The following BCAS3 variants were observed in gnomAD, a reference collection of about 807,000 sequenced individuals.
BCAS3 encodes the protein BCAS3 microtubule associated cell migration factor, also known as BCAS4/BCAS3 fusion.
A neutral mutation model predicts 116.1 loss-of-function variants in BCAS3; 53 were observed. The observed-to-expected ratio is 0.46, with a 90% CI of 0.37 to 0.57. The LOEUF (loss-of-function observed/expected upper bound fraction) is 0.57. Ranked by LOEUF, BCAS3 falls within the 20% of genes least tolerant of loss-of-function variation. BCAS3 has a pLI of 0.00. For synonymous variants in BCAS3, 391 were observed against 408.2 expected (o/e 0.96, Z 0.51); for missense variants, 917 against 1,165.4 (o/e 0.79, Z 3.10).
intron 7 of BCAS3, among the ~76,000 whole-genome samples, chr17:60,855,325 G>A (rs984130818): frequency 4.6e-5 from 7 of 151,170 alleles, no homozygotes; most frequent in African/African-American, 1.5e-4. Context: ...CTAGTTGCAT[G>A]TGTAGTTTTA....
chr17:61,290,355 A>G (rs1464570389), intron 22 of BCAS3, among the ~76,000 whole-genome samples: 2 of 152,322 alleles, frequency 1.3e-5, no homozygotes, highest in East Asian at 3.9e-4. Context: ...TAAAAATTAT[A>G]TAGATGAAAA....
At chr17:61,047,560 C>T (rs962917726) in intron 19 of BCAS3, among the ~76,000 whole-genome samples, 5 of 151,948 alleles carry the variant, frequency 3.3e-5, no homozygotes, top group African/African-American at 1.2e-4. Flanking sequence ...TTAGTGATTT[C>T]TGTGTTAGCA....
rs1170693904 is a variant in BCAS3 at position 61,211,115 on chromosome 17, T to C, written c.2425+126551T>C. The stretch of plus-strand genomic sequence containing the variant: ...ACGGGGGAGAAAAGGCAGTTGCAGA[T>C]AGTAATGTTTGGAGGCATGCTCAGT... On this transcript the variant is annotated intron_variant, in intron 22 of 23. Coordinates refer to ENST00000407086, the MANE Select transcript of BCAS3 (RefSeq NM_017679.5). The surrounding 1 kb of genome is among the most constrained non-coding windows in gnomAD (Gnocchi z 4.4). Among the ~76,000 whole-genome samples the C allele has an allele frequency of 6.6e-6, 1 of 152,066 alleles. No individual in the cohort carries two copies. Among genetic ancestry groups the C allele is most frequent in the African/African-American group, 2.4e-5 (1 of 41,394 alleles).
At chr17:61,016,497 C>T (rs2065465388) in intron 16 of BCAS3, among the ~76,000 whole-genome samples, 1 of 152,120 alleles carries the variant, frequency 6.6e-6, no homozygotes, top group South Asian at 2.1e-4. Context: ...CTTATTTTAG[C>T]AATTTGCTAC....
Position 61,226,949 on chromosome 17 carries a change from C to A in BCAS3, c.2426-141378C>A, listed in dbSNP as rs1235858814. Among the ~76,000 whole-genome samples, 9 of 152,110 alleles carry A rather than the reference C, an allele frequency of 5.9e-5. No homozygotes were observed. The highest frequency in any genetic ancestry group is 1.3e-4 in the Non-Finnish European group (9 of 68,030). The stretch of plus-strand genomic sequence containing the variant: ...GCTTCTAGTCCTGAGGACCAGAAAT[C>A]CAGATAAATAAAATATGCTCTGGTG... On this transcript the variant is annotated intron_variant, in intron 22 of 23. Coordinates refer to ENST00000407086, the MANE Select transcript of BCAS3 (RefSeq NM_017679.5). The surrounding 1 kb of genome is among the most constrained non-coding windows in gnomAD (Gnocchi z 6.0).
intron 22 of BCAS3, among the ~76,000 whole-genome samples, chr17:61,231,932 C>T (rs2082705673): frequency 6.7e-6 from 1 of 148,390 alleles, no homozygotes; most frequent in Non-Finnish European, 1.5e-5. Context: ...AGAGGCCTGA[C>T]ACAGTGGCTC....
intron 6 of BCAS3, among the ~76,000 whole-genome samples, chr17:60,764,127 T>A (rs1159357244): frequency 6.6e-6 from 1 of 151,612 alleles, no homozygotes; most frequent in Non-Finnish European, 1.5e-5. Flanking sequence ...AATTTTGTTA[T>A]CTTTTCAAAA....
chr17:61,384,564 C>T (rs1158749665), intron 23 of BCAS3: 1 of 152,240 alleles, frequency 6.6e-6, no homozygotes, highest in Non-Finnish European at 1.5e-5. Context: ...CAGTCCTCCT[C>T]CTCCCTGGGC....
intron 8 of BCAS3, among the ~76,000 whole-genome samples, chr17:60,873,399 A>G (rs987071420): frequency 6.6e-6 from 1 of 152,152 alleles, no homozygotes; most frequent in East Asian, 1.9e-4. Context: ...TTTTATACTC[A>G]TATTAGCATC....
At chr17:60,869,825 A>T (rs562253290) in intron 8 of BCAS3, among the ~76,000 whole-genome samples, 1 of 152,316 alleles carries the variant, frequency 6.6e-6, no homozygotes, top group South Asian at 2.1e-4. Flanking sequence ...ATTACATATT[A>T]TTTGGTCAAA....
At chr17:60,749,263 T>C (rs1309060272) in intron 6 of BCAS3, among the ~76,000 whole-genome samples, 1 of 152,240 alleles carries the variant, frequency 6.6e-6, no homozygotes, top group Non-Finnish European at 1.5e-5. Context: ...AATACGTGTT[T>C]ATAAGAATGT....
chr17:60,871,484 A>G (rs2055096778), intron 8 of BCAS3, among the ~76,000 whole-genome samples: 1 of 152,074 alleles, frequency 6.6e-6, no homozygotes, highest in Non-Finnish European at 1.5e-5. Context: ...CAGTCTACCT[A>G]GAGATTTGGT....
chr17:61,321,353 A>G (rs1341406781), intron 22 of BCAS3, among the ~76,000 whole-genome samples: 1 of 152,108 alleles, frequency 6.6e-6, no homozygotes, highest in Non-Finnish European at 1.5e-5. Context: ...CATTCCTTCT[A>G]CCCCACCTCC....
chr17:60,867,773 C>T (rs920672729), intron 7 of BCAS3, among the ~76,000 whole-genome samples: 4 of 152,046 alleles, frequency 2.6e-5, no homozygotes, highest in Admixed American at 2.6e-4. Flanking sequence ...AATTACTTTT[C>T]TTGGCTTATG....
At chr17:61,080,265 G>C (rs78947766) in intron 21 of BCAS3, among the ~76,000 whole-genome samples, 6,274 of 152,142 alleles carry the variant, frequency 0.041, 464 homozygotes, top group African/African-American at 0.14. Flanking sequence ...GGTTATCCTT[G>C]AAATCTCTCC....
At chr17:61,067,275 A>ATATATATATATG (rs2070751826) in intron 19 of BCAS3, among the ~76,000 whole-genome samples, 2 of 42,612 alleles carry the variant, frequency 4.7e-5, no homozygotes, top group African/African-American at 2.1e-4. Flanking sequence ...GTGTATGTGT[A>ATATATATATATG]TATATATATA....
intron 22 of BCAS3, among the ~76,000 whole-genome samples, chr17:61,158,090 A>G (rs570298324): frequency 1.3e-5 from 2 of 152,296 alleles, no homozygotes; most frequent in East Asian, 3.9e-4. Context: ...AAGACTAACC[A>G]TTAGCATTAA....
chr17:60,702,746 C>T (rs1247188145), intron 4 of BCAS3, among the ~76,000 whole-genome samples: 3 of 151,982 alleles, frequency 2.0e-5, no homozygotes, highest in African/African-American at 4.8e-5. Flanking sequence ...TGTGCCACAG[C>T]GCCTGGCTAA....
chr17:61,155,494 C>CAA (rs11327492), intron 22 of BCAS3, among the ~76,000 whole-genome samples: 1 of 125,408 alleles, frequency 8.0e-6, no homozygotes, highest in Non-Finnish European at 1.7e-5. Flanking sequence ...AGAGTGGTAG[C>CAA]AAAAAAAAAA....
Sources: allele counts gnomAD v4.1 joint callset (sites outside exome capture counted in the v4.1 genomes callset), GRCh38; gene constraint gnomAD v4.1.1; non-coding constraint Gnocchi (gnomAD v3.1); transcripts MANE v1.5; gene names NCBI Gene and HGNC (gene_info 2026-07-23, HGNC 2026-07-21).